The following KCNMA1 variants were observed in gnomAD, a reference collection of about 807,000 sequenced individuals.
KCNMA1 encodes the protein potassium calcium-activated channel subfamily M alpha 1, also known as Calcium-activated potassium channel subunit alpha-1.
KCNMA1 carries 29 observed loss-of-function variants against 140.0 expected under a neutral mutation model. The observed-to-expected ratio is 0.21, with a 90% CI of 0.15 to 0.28. The LOEUF is 0.28. Among genes scored for constraint, KCNMA1 ranks in the 10% least tolerant of loss-of-function variants. The probability of loss-of-function intolerance (pLI) is 1.00; values close to 1 mark genes in which losing one functional copy is unlikely to be tolerated. For missense variants in KCNMA1, 880 were observed against 1,602.2 expected, an observed-to-expected ratio of 0.55 and a Z score of 7.70; for synonymous variants, 612 against 611.9, an observed-to-expected ratio of 1.00 and a Z score of 0.00.
At chr10:77,595,691 AC>A (rs1411859280) in intron 1 of KCNMA1, among the ~76,000 whole-genome samples, 5 of 151,794 alleles carry the variant, frequency 3.3e-5, no homozygotes, top group African/African-American at 1.2e-4. Context: ...TTTGAGATGG[AC>A]TCTCACTCTG....
chr10:77,145,161 G>A (rs2098265453), intron 5 of KCNMA1, among the ~76,000 whole-genome samples: 1 of 152,138 alleles, frequency 6.6e-6, no homozygotes, highest in Non-Finnish European at 1.5e-5. Context: ...CCCTGTAGGT[G>A]TGGCAATAAA....
intron 1 of KCNMA1, among the ~76,000 whole-genome samples, chr10:77,480,672 T>C (rs1055507537): frequency 6.6e-6 from 1 of 152,146 alleles, no homozygotes; most frequent in African/African-American, 2.4e-5. Context: ...CCGCAGGGAC[T>C]GTTACAGGCG....
chr10:77,066,341 A>G (rs979344207), intron 14 of KCNMA1, among the ~76,000 whole-genome samples: 3 of 152,162 alleles, frequency 2.0e-5, no homozygotes, highest in Non-Finnish European at 4.4e-5. Flanking sequence ...TTCCTGCTGT[A>G]TTGAATGTGG....
At chr10:77,636,661 G>C (rs2093773753) in intron 1 of KCNMA1, 2 of 1,535,604 alleles carry the variant, frequency 1.3e-6, no homozygotes, top group Non-Finnish European at 1.7e-6. Flanking sequence ...TAGTGGGATG[G>C]ATCTCCCCAA....
chr10:77,059,597 A>C (rs572550863), intron 14 of KCNMA1, among the ~76,000 whole-genome samples: 1 of 152,136 alleles, frequency 6.6e-6, no homozygotes, highest in African/African-American at 2.4e-5. Context: ...AAGAAGAAAA[A>C]CTACATGATC....
intron 1 of KCNMA1, among the ~76,000 whole-genome samples, chr10:77,481,242 A>G (rs934516631): frequency 1.3e-5 from 2 of 152,140 alleles, no homozygotes; most frequent in Non-Finnish European, 2.9e-5. Context: ...AGGACCAATC[A>G]CTTATCTTTC....
At chr10:77,249,826 G>A (rs1378660244) in intron 3 of KCNMA1, 1 of 152,162 alleles carries the variant, frequency 6.6e-6, no homozygotes, top group African/African-American at 2.4e-5. Context: ...ACTTAAACAA[G>A]CTCTTCTCTT....
exon 28 of KCNMA1, chr10:76,872,056 A>G (rs2031449922): frequency 6.6e-6 from 1 of 152,196 alleles, no homozygotes; most frequent in Non-Finnish European, 1.5e-5. Flanking sequence ...CCTATTTGGC[A>G]GTTCTGGACT....
At chr10:77,345,167 G>A (rs2154380019) in intron 2 of KCNMA1, among the ~76,000 whole-genome samples, 1 of 152,270 alleles carries the variant, frequency 6.6e-6, no homozygotes, top group East Asian at 1.9e-4. Flanking sequence ...ATAAATAAAT[G>A]AATGGCTTCC....
chr10:77,522,762 G>C (rs1356785838), intron 1 of KCNMA1, among the ~76,000 whole-genome samples: 1 of 152,184 alleles, frequency 6.6e-6, no homozygotes, highest in African/African-American at 2.4e-5. Context: ...AAGGGGTCTT[G>C]GGGCAACCAA....
chr10:77,305,531 T>A (rs1181352617), intron 2 of KCNMA1, among the ~76,000 whole-genome samples: 1 of 152,180 alleles, frequency 6.6e-6, no homozygotes, highest in Non-Finnish European at 1.5e-5. Flanking sequence ...TCTCTTCAGG[T>A]TCTCAGAGGG....
intron 3 of KCNMA1, among the ~76,000 whole-genome samples, chr10:77,198,568 G>GATATAT (rs3998087): frequency 0.07 from 9,708 of 138,060 alleles, 361 homozygotes; most frequent in East Asian, 0.1. Flanking sequence ...ATATATATGT[G>GATATAT]ATATATATAT....
chr10:77,382,994 G>GTGTGTGTGTGTATATATATATA (rs1491457588), intron 2 of KCNMA1, among the ~76,000 whole-genome samples: 1 of 46,426 alleles, frequency 2.2e-5, no homozygotes, highest in African/African-American at 9.5e-5. Flanking sequence ...GTGTGTGTGT[G>GTGTGTGTGTGTATATATATATA]TATATATATA....
intron 3 of KCNMA1, 183 bp downstream of exon 3, chr10:77,251,012 C>T (rs1435242246): frequency 1.6e-6 from 1 of 631,836 alleles, no homozygotes; most frequent in Non-Finnish European, 2.9e-6. Flanking sequence ...CTCAAAATAG[C>T]CTTCCTTCTG....
chr10:77,353,256 C>T (rs1275687201), intron 2 of KCNMA1, among the ~76,000 whole-genome samples: 4 of 152,034 alleles, frequency 2.6e-5, no homozygotes, highest in African/African-American at 7.3e-5. Flanking sequence ...GGCCAGGAGA[C>T]CCTGGAGAGG....
intron 3 of KCNMA1, among the ~76,000 whole-genome samples, chr10:77,219,935 T>C (rs2049046272): frequency 6.6e-6 from 1 of 152,228 alleles, no homozygotes; most frequent in Non-Finnish European, 1.5e-5. Context: ...AACTTAAGTG[T>C]ATCTTCTCAT....
chr10:77,209,136 C>G (rs575006281), intron 3 of KCNMA1, among the ~76,000 whole-genome samples: 3 of 152,292 alleles, frequency 2.0e-5, no homozygotes, highest in East Asian at 3.9e-4. Context: ...TTAGTCCTTT[C>G]TCCAGGCACA....
chr10:77,491,785 AGTAG>A (rs145351005), intron 1 of KCNMA1, among the ~76,000 whole-genome samples: 1,952 of 151,958 alleles, frequency 0.013, 49 homozygotes, highest in African/African-American at 0.045. Flanking sequence ...GTCTAATTTT[AGTAG>A]CCATTTGCCC....
rs201632646 is a variant in KCNMA1, at chr10:77,079,439, T to G, written c.1593+42A>C. The G allele has an allele frequency of 4.4e-5, 52 of 1,182,864 alleles. No individual in the cohort carries two copies. The Admixed American group carries it at 4.5e-4, about 10-fold the overall frequency. 73.3% of individuals were successfully genotyped at this position (1,182,864 alleles called of 1,614,324 possible). On this transcript the variant is annotated intron_variant, in intron 13 of 27. Transcript: ENST00000286628. ...AATGAGGAAGAAGAGGCTGGACCTG[T>G]GGATGGGTCTTCAGACCTGGAGCGG...
Sources: gnomAD v4.1 joint callset for allele counts (sites outside exome capture counted in the v4.1 genomes callset) on GRCh38, gnomAD v4.1.1 for gene constraint, MANE v1.5 for transcripts, NCBI Gene and HGNC (gene_info 2026-07-23, HGNC 2026-07-21) for gene names.